The following UGT1A6 variants were observed in gnomAD, a reference collection of about 807,000 sequenced individuals.
The protein encoded by UGT1A6 is UDP-glucuronosyltransferase 1A6.
In UGT1A6, 32 loss-of-function variants were observed where a neutral mutation model predicts 44.4. That is an observed-to-expected ratio of 0.72 (90% CI 0.54 to 0.97). The LOEUF is 0.97. UGT1A6 is among the 50% of genes least tolerant of loss of function. The pLI, the probability that UGT1A6 is intolerant of heterozygous loss-of-function variation, is 0.00. For synonymous variants in UGT1A6, 238 were observed against 248.5 expected (o/e 0.96, Z 0.40); for missense variants, 685 against 661.9 (o/e 1.03, Z -0.38).
At chr2:233,754,978 CG>C (rs1333953486) in intron 1 of UGT1A6, 1 of 1,298,378 alleles carries the variant, frequency 7.7e-7, no homozygotes, top group Non-Finnish European at 1.0e-6. Context: ...CTGAAGACCT[CG>C]GCGGGGTCAC....
intron 1 of UGT1A6, among the ~76,000 whole-genome samples, chr2:233,765,626 G>A (rs892364448): frequency 2.0e-5 from 3 of 151,774 alleles, no homozygotes; most frequent in Admixed American, 2.0e-4. Context: ...GGTGAGGGGA[G>A]GAACTTAGAG....
intron 1 of UGT1A6, among the ~76,000 whole-genome samples, chr2:233,727,631 C>T (rs2077634197): frequency 1.3e-5 from 2 of 152,112 alleles, no homozygotes; most frequent in East Asian, 1.9e-4. Context: ...AGGTTGCACC[C>T]ACAGCTGAGA....
At chr2:233,736,786 G>A (rs774557184) in intron 1 of UGT1A6, among the ~76,000 whole-genome samples, 1 of 152,166 alleles carries the variant, frequency 6.6e-6, no homozygotes, top group Non-Finnish European at 1.5e-5. Context: ...CTCAGCTGCA[G>A]GTCTGTTGGA....
intron 4 of UGT1A6, among the ~76,000 whole-genome samples, chr2:233,771,932 C>G (rs909817739): frequency 6.6e-6 from 1 of 152,046 alleles, no homozygotes; most frequent in African/African-American, 2.4e-5. Context: ...CTGGGCAACA[C>G]AATAAGACCT....
chr2:233,695,870 A>G (rs1194370927), intron 1 of UGT1A6, among the ~76,000 whole-genome samples: 2 of 152,186 alleles, frequency 1.3e-5, no homozygotes, highest in African/African-American at 4.8e-5. Flanking sequence ...ACAACAAACA[A>G]CGCAGAAAAC....
rs188955971 is a variant in UGT1A6 at position 233,750,968 on chromosome 2, T to C, written c.862-16066T>C. ...ACAGAGTCTCCACTGGGGCACTGCC[T>C]AGTGGAGTTGTGAGAAGGCGGCCAC... is the stretch of plus-strand genomic sequence containing the variant. On this transcript the variant is annotated intron_variant, in intron 1 of 4. Transcript: ENST00000305139. Among the ~76,000 whole-genome samples the C allele has an allele frequency of 4.3e-4, 66 of 151,860 alleles. 1 individual carries two copies. The highest frequency in any genetic ancestry group is 3.5e-3 in the Admixed American group (53 of 15,300).
intron 1 of UGT1A6, chr2:233,743,818 G>T: frequency 1.5e-6 from 2 of 1,367,270 alleles, no homozygotes; most frequent in Non-Finnish European, 2.0e-6. Context: ...CAGGGTTTTT[G>T]TCGGGGTGCC....
chr2:233,725,129 T>C (rs1238705631), intron 1 of UGT1A6, among the ~76,000 whole-genome samples: 2 of 136,286 alleles, frequency 1.5e-5, no homozygotes, highest in Non-Finnish European at 3.1e-5. Flanking sequence ...TGAGCCGAGA[T>C]GGCAGCAGTA....
intron 1 of UGT1A6, chr2:233,761,045 T>A (rs1315871466): frequency 1.9e-6 from 3 of 1,614,220 alleles, no homozygotes; most frequent in Non-Finnish European, 1.7e-6. Flanking sequence ...TCTGCATCTG[T>A]CTGGCTGTTT....
rs138626513 is a variant in UGT1A6 at position 233,772,998 on chromosome 2, C to T, written c.*439C>T. 4.0e-5 allele frequency: 10 copies of T among 249,518 alleles called. No individual in the cohort carries two copies. The East Asian group carries it at 6.9e-4, about 17-fold the overall frequency. 15.5% of individuals were successfully genotyped at this position (249,518 alleles called of 1,614,324 possible). On this transcript the variant is annotated 3_prime_UTR_variant, in exon 5 of 5. Coordinates refer to ENST00000305139, the MANE Select transcript of UGT1A6 (RefSeq NM_001072.4). ...AATAATGGTCAGTCCTCATCTCTGT[C>T]GTGCTTCATAGGTGCCACCTTGTGT...
chr2:233,736,028 C>T lies in UGT1A6; in HGVS notation c.862-31006C>T, dbSNP rs2078720719. 2.0e-5 allele frequency among the ~76,000 whole-genome samples: 3 copies of T among 152,098 alleles called. No homozygotes were observed. The South Asian group carries it at 6.2e-4, about 32-fold the overall frequency. ...TCGAGGAGTATCTTTGTGGTGTTCT[C>T]TGTATTTCCTGAATTTGAATGTTGG... is the stretch of plus-strand genomic sequence containing the variant. On this transcript the variant is annotated intron_variant, in intron 1 of 4. Transcript: ENST00000305139.
intron 1 of UGT1A6, among the ~76,000 whole-genome samples, chr2:233,695,299 C>T (rs532715794): frequency 2.6e-4 from 40 of 151,824 alleles, no homozygotes; most frequent in African/African-American, 8.9e-4. Context: ...CTAATTTTTG[C>T]ATTTTTAGTA....
chr2:233,729,726 C>T, intron 1 of UGT1A6: 2 of 1,613,934 alleles, frequency 1.2e-6, no homozygotes, highest in African/African-American at 2.7e-5. Context: ...TACTAACAAC[C>T]AATTCAGACC....
chr2:233,718,774 A>G, intron 1 of UGT1A6: 2 of 1,612,926 alleles, frequency 1.2e-6, no homozygotes, highest in Non-Finnish European at 1.7e-6. Flanking sequence ...CAAATGTAGC[A>G]GGCACAGCGT....
chr2:233,728,104 A>G (rs1180093047), intron 1 of UGT1A6, among the ~76,000 whole-genome samples: 1 of 152,120 alleles, frequency 6.6e-6, no homozygotes, highest in Admixed American at 6.5e-5. Flanking sequence ...CACATATTTA[A>G]TTCTCCATCT....
intron 1 of UGT1A6, among the ~76,000 whole-genome samples, chr2:233,756,671 T>G (rs1269369831): frequency 6.6e-6 from 1 of 152,214 alleles, no homozygotes; most frequent in Admixed American, 6.5e-5. Flanking sequence ...TTATTTCCGC[T>G]AGAACTGCTA....
At chr2:233,747,621 C>T (rs2125886798) in intron 1 of UGT1A6, 1 of 1,577,282 alleles carries the variant, frequency 6.3e-7, no homozygotes, top group Middle Eastern at 1.7e-4. Context: ...TAATGAGGCC[C>T]TGATCAGGCA....
At chr2:233,757,062 G>T (rs1469367274) in intron 1 of UGT1A6, among the ~76,000 whole-genome samples, 1 of 151,518 alleles carries the variant, frequency 6.6e-6, no homozygotes, top group African/African-American at 2.4e-5. Flanking sequence ...GAACAGCAAG[G>T]GATCCAGAAT....
At position 233,767,956 on chromosome 2, in the gene UGT1A6, T is replaced by C; in HGVS notation, c.1081+20T>C. The stretch of plus-strand genomic sequence containing the variant: ...TGCTTGGTATGTTGGGCGGATTGGA[T>C]GTATAGGTCAAACCAGGGTCAAATT... On this transcript the variant is annotated intron_variant, in intron 3 of 4. Coordinates refer to ENST00000305139, the MANE Select transcript of UGT1A6 (RefSeq NM_001072.4). 1.9e-6 allele frequency: 3 copies of C among 1,614,192 alleles called. No homozygotes were observed. Among genetic ancestry groups the C allele is most frequent in the Non-Finnish European group, 2.5e-6 (3 of 1,180,026 alleles).
Sources: allele counts gnomAD v4.1 joint callset (sites outside exome capture counted in the v4.1 genomes callset), GRCh38; gene constraint gnomAD v4.1.1; transcripts MANE v1.5; gene names NCBI Gene and HGNC (gene_info 2026-07-23, HGNC 2026-07-21).